MATN2: variants seen among roughly 807,000 people sequenced by gnomAD.
MATN2 encodes matrilin-2.
In MATN2, 69 loss-of-function variants were observed where a neutral mutation model predicts 103.2. The ratio of observed to expected loss-of-function variants is 0.67; its 90% CI spans 0.55 to 0.82. MATN2 has a LOEUF of 0.82. Ranked by LOEUF, MATN2 falls within the 40% of genes least tolerant of loss-of-function variation. The pLI is 0.00. For missense variants in MATN2, 1,023 were observed against 1,211.5 expected, an observed-to-expected ratio of 0.84 and a Z score of 2.31; for synonymous variants, 429 against 450.2, an observed-to-expected ratio of 0.95 and a Z score of 0.60.
chr8:97,888,144 A>G lies in MATN2; in HGVS notation c.44A>G (p.Gln15Arg). 6.2e-7 allele frequency: 1 copy of G among 1,609,270 alleles called. No individual in the cohort carries two copies. The highest frequency in any genetic ancestry group is 8.5e-7 in the Non-Finnish European group (1 of 1,177,734). Residue 15 changes from glutamine to arginine, a missense_variant, in exon 2 of 19, where the codon CAG becomes CGG. Physicochemically the swap from Gln to Arg is conservative, Grantham distance 43 (BLOSUM62 1). Coordinates refer to ENST00000254898, the MANE Select transcript of MATN2 (RefSeq NM_002380.5). ...GGCTGCTTTCTGCTGATCCTCGGAC[A>G]GATCGTCCTCCTCCCTGCCGAGGCC... Reference protein sequence around the residue: ...LAGCFLLILGQIVLLPAEARE... With the variant: ...LAGCFLLILGRIVLLPAEARE...
chr8:98,034,206 G>C (rs1563740212), intron 18 of MATN2: 3 of 455,048 alleles, frequency 6.6e-6, no homozygotes, highest in Admixed American at 4.7e-5. Flanking sequence ...TCTAAAAAAT[G>C]AAACACTCCA....
At chr8:97,968,002 T>C (rs1294348896) in intron 5 of MATN2, among the ~76,000 whole-genome samples, 1 of 152,238 alleles carries the variant, frequency 6.6e-6, no homozygotes, top group African/African-American at 2.4e-5. Flanking sequence ...CAAGCCTCTT[T>C]CATGCCTGCA....
At chr8:97,912,853 G>A (rs565718077) in intron 2 of MATN2, among the ~76,000 whole-genome samples, 169 of 152,324 alleles carry the variant, frequency 1.1e-3, no homozygotes, top group Non-Finnish European at 1.8e-3. Flanking sequence ...ATATGCTGAG[G>A]CTGACGGAGC....
intron 2 of MATN2, 38 bp from the exon 3 acceptor site, chr8:97,930,915 C>G (rs1251362259): frequency 1.4e-6 from 2 of 1,470,538 alleles, no homozygotes; most frequent in Non-Finnish European, 1.9e-6. Context: ...CACACCTGGC[C>G]TCTCTTCTAA....
At chr8:97,878,414 GT>G (rs1204359554) in intron 1 of MATN2, among the ~76,000 whole-genome samples, 8 of 151,852 alleles carry the variant, frequency 5.3e-5, no homozygotes, top group Non-Finnish European at 1.0e-4. Flanking sequence ...ATACAAAAAC[GT>G]GGGGGTACTG....
intron 3 of MATN2, among the ~76,000 whole-genome samples, chr8:97,940,662 T>C (rs973742657): frequency 6.6e-6 from 1 of 152,256 alleles, no homozygotes; most frequent in Non-Finnish European, 1.5e-5. Context: ...CATAAAAATA[T>C]ATTTCTACAT....
At chr8:97,892,452 G>A (rs1043979785) in intron 2 of MATN2, among the ~76,000 whole-genome samples, 2 of 146,680 alleles carry the variant, frequency 1.4e-5, no homozygotes, top group Non-Finnish European at 3.0e-5. Flanking sequence ...GAGTAGCACC[G>A]TTTTACAGTT....
chr8:97,937,871 G>A (rs1810429660), intron 3 of MATN2, among the ~76,000 whole-genome samples: 1 of 152,084 alleles, frequency 6.6e-6, no homozygotes, highest in Non-Finnish European at 1.5e-5. Context: ...GAGCCACCAT[G>A]CCTGGCCTAA....
intron 2 of MATN2, among the ~76,000 whole-genome samples, chr8:97,908,863 A>T (rs1221828307): frequency 1.3e-5 from 2 of 152,204 alleles, no homozygotes; most frequent in Non-Finnish European, 2.9e-5. Flanking sequence ...TCCTGACCTC[A>T]GGTGATCCAC....
chr8:97,954,338 C>A (rs1252377284), intron 4 of MATN2, among the ~76,000 whole-genome samples: 1 of 152,352 alleles, frequency 6.6e-6, no homozygotes. Context: ...TCTCTCACCA[C>A]GCTCAACTCC....
chr8:97,955,174 A>G (rs1022857778), intron 4 of MATN2, among the ~76,000 whole-genome samples: 3 of 147,438 alleles, frequency 2.0e-5, no homozygotes, highest in Non-Finnish European at 3.0e-5. Context: ...AGCCCCCTTG[A>G]CCATCACATT....
chr8:97,946,258 G>T (rs552570626), intron 4 of MATN2, among the ~76,000 whole-genome samples: 1 of 152,102 alleles, frequency 6.6e-6, no homozygotes, highest in Non-Finnish European at 1.5e-5. Context: ...TAGATCAAAT[G>T]CATTAAAGAA....
rs141304032 is a variant in MATN2 at position 98,025,935 on chromosome 8, T to C, written c.1943-1481T>C. Among the ~76,000 whole-genome samples, 1,265 of 152,172 alleles carry C rather than the reference T, an allele frequency of 8.3e-3. 17 individuals are homozygous for C. Among genetic ancestry groups the C allele is most frequent in the African/African-American group, 0.026 (1,068 of 41,504 alleles). On this transcript the variant is annotated intron_variant, in intron 13 of 18. Coordinates refer to ENST00000254898, the MANE Select transcript of MATN2 (RefSeq NM_002380.5). The stretch of plus-strand genomic sequence containing the variant: ...GCTCATGCCTGTAATCCCAGCACTT[T>C]GGAAGGCCAAGGCAGGTGAATCGCC...
At chr8:97,933,548 G>A (rs1810271913) in intron 3 of MATN2, among the ~76,000 whole-genome samples, 1 of 116,770 alleles carries the variant, frequency 8.6e-6, no homozygotes, top group Admixed American at 1.1e-4. Context: ...CAATCCTGGT[G>A]TCGAATAGGA....
chr8:97,877,205 C>A (rs1006340630), intron 1 of MATN2, among the ~76,000 whole-genome samples: 8 of 151,946 alleles, frequency 5.3e-5, no homozygotes, highest in African/African-American at 1.9e-4. Flanking sequence ...GGGCCAGGCA[C>A]AGTGGCTTAT....
intron 4 of MATN2, among the ~76,000 whole-genome samples, chr8:97,949,553 G>A (rs558060737): frequency 6.6e-6 from 1 of 152,232 alleles, no homozygotes; most frequent in African/African-American, 2.4e-5. Flanking sequence ...ATCACCAGTG[G>A]TCATGTAAAA....
rs1384109237 is a variant in MATN2, at chr8:97,978,732, G to A, written c.959-154G>A. Among the ~76,000 whole-genome samples the A allele has an allele frequency of 2.0e-5, 3 of 151,898 alleles. No homozygotes were observed. The East Asian group carries it at 5.8e-4, about 29-fold the overall frequency. The stretch of plus-strand genomic sequence containing the variant: ...TAGACTCCTGATTTTTTTTGAGGGG[G>A]GCAGAGACCTTGGGTTCATAACTGT... On this transcript the variant is annotated intron_variant, in intron 5 of 18. Transcript: ENST00000254898.
intron 2 of MATN2, among the ~76,000 whole-genome samples, chr8:97,900,199 T>C (rs1818934585): frequency 6.6e-6 from 1 of 152,190 alleles, no homozygotes. Flanking sequence ...TTTTGGCTGC[T>C]CAGAAGACCA....
Position 97,931,254 on chromosome 8 carries a change from C to A in MATN2, c.444C>A (p.Phe148Leu), listed in dbSNP as rs1490132521. The A allele has an allele frequency of 6.2e-7, 1 of 1,613,934 alleles. No individual in the cohort carries two copies. Among genetic ancestry groups the A allele is most frequent in the South Asian group, 1.1e-5 (1 of 91,076 alleles). ...TCCAGTATGCCCTGAACATCGCATTCTCAGAAGCAGAGGGGGCCCGGCCCC... is the reference window on the plus strand; with the variant it reads ...TCCAGTATGCCCTGAACATCGCATTATCAGAAGCAGAGGGGGCCCGGCCCC... ...LAIQYALNIA[F>L]SEAEGARPLR... Residue 148 changes from phenylalanine (F) to leucine (L), a missense_variant, in exon 3 of 19, where the codon TTC becomes TTA. By Grantham distance (22) the Phe-to-Leu change is conservative. Coordinates refer to ENST00000254898, the MANE Select transcript of MATN2 (RefSeq NM_002380.5). This position sits in a 1 kb window ranked among gnomAD's most constrained non-coding sequence, Gnocchi z 4.1.
Sources: allele counts gnomAD v4.1 joint callset (sites outside exome capture counted in the v4.1 genomes callset), GRCh38; gene constraint gnomAD v4.1.1; non-coding constraint Gnocchi (gnomAD v3.1); transcripts MANE v1.5; gene names NCBI Gene and HGNC (gene_info 2026-07-23, HGNC 2026-07-21).